Variants in LRP2 observed in about 807,000 individuals in gnomAD.
LRP2 encodes the protein LDL receptor related protein 2.
LRP2 carries 172 observed loss-of-function variants against 531.0 expected under a neutral mutation model. The observed-to-expected ratio is 0.32, with a 90% CI of 0.29 to 0.37. The LOEUF (loss-of-function observed/expected upper bound fraction) is 0.37. Ranked by LOEUF, LRP2 falls within the 10% of genes least tolerant of loss-of-function variation. LRP2 has a pLI of 1.00. For synonymous variants in LRP2, 1,992 were observed against 2,027.6 expected (o/e 0.98, Z 0.47); for missense variants, 5,167 against 5,868.3 (o/e 0.88, Z 3.90).
At chr2:169,181,035 G>A (rs1687410298) in intron 52 of LRP2, among the ~76,000 whole-genome samples, 1 of 151,928 alleles carries the variant, frequency 6.6e-6, no homozygotes, top group African/African-American at 2.4e-5. Context: ...AGTATTTTAG[G>A]GAAAGTTTTC....
intron 1 of LRP2, among the ~76,000 whole-genome samples, chr2:169,337,057 G>A (rs76062907): frequency 2.6e-5 from 4 of 152,074 alleles, no homozygotes; most frequent in African/African-American, 7.2e-5. Flanking sequence ...TTCCCCCACC[G>A]CTGTCTAAAA....
In LRP2 at chr2:169,202,778, A is replaced by G. The variant is rs1688244992; in HGVS notation, c.8187T>C (p.Ser2729=). 5.0e-6 allele frequency: 8 copies of G among 1,614,152 alleles called. No individual in the cohort carries two copies. The highest frequency in any genetic ancestry group is 1.1e-5 in the South Asian group (1 of 91,084). ...CACCACAGACACTTTCCATCTCATC[A>G]CTGCCATCCCCACAGTCGTTGTCAT... ...CDNDNDCGDG[S]DEMESVCALH... The change falls in exon 43 of 79, where the codon AGT becomes AGC. Residue 2729 remains serine (S), a synonymous_variant. Transcript: ENST00000649046.
chr2:169,184,714 C>T (rs1327188965), intron 50 of LRP2, among the ~76,000 whole-genome samples: 5 of 152,064 alleles, frequency 3.3e-5, no homozygotes, highest in African/African-American at 4.8e-5. Flanking sequence ...CCAGTTTTCA[C>T]GCCCAGCCCA....
At position 169,239,586 on chromosome 2, in the gene LRP2, C is replaced by T. The variant is rs765779402; in HGVS notation, c.4235G>A (p.Arg1412Gln). 1.3e-5 allele frequency: 21 copies of T among 1,614,046 alleles called. No homozygotes were observed. The highest frequency in any genetic ancestry group is 5.3e-5 in the African/African-American group (4 of 75,022). The change falls in exon 26 of 79, where the codon CGG becomes CAG. Residue 1412 changes from arginine to glutamine, a missense_variant. Coordinates refer to ENST00000649046, the MANE Select transcript of LRP2 (RefSeq NM_004525.3). ...QHCYNMRGSF[R>Q]CSCDTGYMLE... ...CATGTAGCCTGTATCACACGAGCAC[C>T]GGAAAGAACCTCTCATATTGTAACA... is the stretch of plus-strand genomic sequence containing the variant.
intron 62 of LRP2, among the ~76,000 whole-genome samples, chr2:169,164,177 C>T (rs1475300868): frequency 6.6e-6 from 1 of 152,204 alleles, no homozygotes; most frequent in South Asian, 2.1e-4. Context: ...TTCTTTCTTT[C>T]CAATGGGAGT....
Position 169,147,995 on chromosome 2 carries a change from G to A in LRP2, c.12591-1036C>T, listed in dbSNP as rs12617198. ...TGTCCCAGCCAAATATGTCCTATGG[G>A]CCATATTTGGCCCACCAGCCGCTGC... On this transcript the variant is annotated intron_variant, in intron 68 of 78. Transcript: ENST00000649046. Among the ~76,000 whole-genome samples the A allele has an allele frequency of 8.9e-4, 136 of 152,182 alleles. 1 individual carries two copies. The East Asian group carries it at 0.023, about 26-fold the overall frequency.
Position 169,259,101 on chromosome 2 carries a change from G to A in LRP2, c.2437C>T (p.Leu813=). Residue 813 remains leucine (L), a synonymous_variant, in exon 17 of 79, where the codon CTA becomes TTA. Transcript: ENST00000649046. ...SHYKSISVMR[L]ADKTRRTVVQ... ...ACTGTGCGTCTCGTTTTATCAGCTA[G>A]CCTCATGACACTGATACTCTTGTAA... The A allele has an allele frequency of 6.2e-7, 1 of 1,613,102 alleles. No individual in the cohort carries two copies. The highest frequency in any genetic ancestry group is 1.1e-5 in the South Asian group (1 of 91,048).
intron 3 of LRP2, among the ~76,000 whole-genome samples, chr2:169,311,669 A>G (rs1484728192): frequency 1.3e-5 from 2 of 152,126 alleles, no homozygotes; most frequent in Non-Finnish European, 2.9e-5. Flanking sequence ...AGAGGAATGT[A>G]TATTCTGTTG....
intron 3 of LRP2, among the ~76,000 whole-genome samples, chr2:169,314,687 T>C (rs1684711458): frequency 1.3e-5 from 2 of 152,206 alleles, no homozygotes; most frequent in African/African-American, 4.8e-5. Flanking sequence ...CTAAATAATT[T>C]CATATTTTCT....
Position 169,279,365 on chromosome 2 carries a change from C to T in LRP2, c.1565+7G>A. 6.2e-7 allele frequency: 1 copy of T among 1,605,470 alleles called. No individual in the cohort carries two copies. Among genetic ancestry groups the T allele is most frequent in the Non-Finnish European group, 8.5e-7 (1 of 1,172,174 alleles). On this transcript the variant is annotated splice_region_variant and intron_variant, in intron 12 of 78. Transcript: ENST00000649046. ...TACAGGAATCAATATGTTTTCACAT[C>T]ACTTACCCAACAGTTGGGTCCACGG...
rs934465914 is a variant in LRP2 at position 169,157,572 on chromosome 2, A to G, written c.11888-70T>C. 6 of 1,574,110 alleles carry G rather than the reference A, an allele frequency of 3.8e-6. No individual in the cohort carries two copies. The African/African-American group carries it at 8.1e-5, about 21-fold the overall frequency. ...TAACAGTCAAGTGGTGTATCAAAAG[A>G]AGCACCTACTCGTAACCAACTATAG... On this transcript the variant is annotated intron_variant, in intron 63 of 78. Coordinates refer to ENST00000649046, the MANE Select transcript of LRP2 (RefSeq NM_004525.3).
At chr2:169,291,393 TG>T (rs1214804277) in intron 7 of LRP2, among the ~76,000 whole-genome samples, 1 of 152,176 alleles carries the variant, frequency 6.6e-6, no homozygotes, top group Non-Finnish European at 1.5e-5. Context: ...TGATTTGCTT[TG>T]TTTATTTAGT....
intron 38 of LRP2, among the ~76,000 whole-genome samples, chr2:169,208,450 CT>C (rs1328532344): frequency 6.6e-6 from 1 of 151,842 alleles, no homozygotes; most frequent in African/African-American, 2.4e-5. Context: ...CTTATATTTC[CT>C]TTTTTTAAAT....
intron 30 of LRP2, 142 bp from the exon 31 acceptor site, chr2:169,231,984 T>C: frequency 1.9e-6 from 2 of 1,050,106 alleles, no homozygotes; most frequent in South Asian, 2.8e-5. Flanking sequence ...TTTTCTTTTG[T>C]TTTGTTTTCA....
At chr2:169,210,726 C>T (rs956269276) in intron 37 of LRP2, among the ~76,000 whole-genome samples, 1 of 152,140 alleles carries the variant, frequency 6.6e-6, no homozygotes, top group African/African-American at 2.4e-5. Flanking sequence ...TGGAACAAAA[C>T]AGCTATATAT....
At chr2:169,130,580 C>A (rs1345826045) in intron 77 of LRP2, among the ~76,000 whole-genome samples, 1 of 152,184 alleles carries the variant, frequency 6.6e-6, no homozygotes, top group African/African-American at 2.4e-5. Context: ...GCCACCGTGC[C>A]CAGCCCATGT....
intron 63 of LRP2, among the ~76,000 whole-genome samples, chr2:169,157,873 T>G (rs1216350382): frequency 6.6e-6 from 1 of 150,856 alleles, no homozygotes; most frequent in East Asian, 1.9e-4. Context: ...GATCAATAGA[T>G]AGATAGAGAG....
At chr2:169,327,108 C>T (rs1161111303) in intron 1 of LRP2, among the ~76,000 whole-genome samples, 9 of 148,652 alleles carry the variant, frequency 6.1e-5, no homozygotes, top group African/African-American at 2.2e-4. Context: ...CCCCGCCCGG[C>T]CAGCCGCCCC....
Position 169,182,159 on chromosome 2 carries a change from G to T in LRP2, c.9998+8C>A. 6.2e-7 allele frequency: 1 copy of T among 1,614,062 alleles called. No homozygotes were observed. The highest frequency in any genetic ancestry group is 1.1e-5 in the South Asian group (1 of 91,078). On this transcript the variant is annotated splice_region_variant and intron_variant, in intron 51 of 78. Coordinates refer to ENST00000649046, the MANE Select transcript of LRP2 (RefSeq NM_004525.3). ...AAAGAAAAGCCCAGGATTGCAGGGA[G>T]ACAATACCCATATTGAGGGTGAAGG... is the stretch of plus-strand genomic sequence containing the variant.
Sources: gnomAD v4.1 joint callset for allele counts (sites outside exome capture counted in the v4.1 genomes callset) on GRCh38, gnomAD v4.1.1 for gene constraint, MANE v1.5 for transcripts, NCBI Gene and HGNC (gene_info 2026-07-23, HGNC 2026-07-21) for gene names.